Variants in ROCK1 observed in about 807,000 individuals in gnomAD.
ROCK1 encodes the protein rho-associated protein kinase 1.
In ROCK1, 36 loss-of-function variants were observed where a neutral mutation model predicts 196.8. The ratio of observed to expected loss-of-function variants is 0.18; its 90% CI spans 0.14 to 0.24. The LOEUF is 0.24. Among genes scored for constraint, ROCK1 ranks in the 10% least tolerant of loss-of-function variants. The pLI, the probability that ROCK1 is intolerant of heterozygous loss-of-function variation, is 1.00. For missense variants in ROCK1, 920 were observed against 1,562.0 expected (o/e 0.59, Z 6.93); for synonymous variants, 443 against 515.9 (o/e 0.86, Z 1.91).
intron 9 of ROCK1, among the ~76,000 whole-genome samples, chr18:21,031,884 A>G (rs2036011321): frequency 6.6e-6 from 1 of 151,926 alleles, no homozygotes; most frequent in Non-Finnish European, 1.5e-5. Flanking sequence ...CAGGCAGAGG[A>G]AAAAAAACCA....
intron 2 of ROCK1, among the ~76,000 whole-genome samples, chr18:21,067,665 G>A (rs544652775): frequency 8.5e-5 from 13 of 152,174 alleles, no homozygotes; most frequent in African/African-American, 3.1e-4. Flanking sequence ...GGGATTACAG[G>A]CGTGAGCCAC....
chr18:20,963,535 C>T (rs2035346269), intron 27 of ROCK1, among the ~76,000 whole-genome samples: 1 of 152,004 alleles, frequency 6.6e-6, no homozygotes, highest in Non-Finnish European at 1.5e-5. Context: ...AAGAGATCCA[C>T]CATTTTCAGG....
intron 1 of ROCK1, among the ~76,000 whole-genome samples, chr18:21,087,443 GCAA>G (rs1429215815): frequency 6.6e-6 from 1 of 152,056 alleles, no homozygotes; most frequent in African/African-American, 2.4e-5. Flanking sequence ...CACTTAAAAT[GCAA>G]CAATACAGGT....
intron 7 of ROCK1, 100 bp from the exon 8 acceptor site, chr18:21,042,335 G>A (rs1267043010): frequency 5.2e-6 from 6 of 1,144,958 alleles, no homozygotes; most frequent in African/African-American, 3.1e-5. Context: ...AAGATTATTA[G>A]GTATGTATTA....
intron 1 of ROCK1, among the ~76,000 whole-genome samples, chr18:21,089,790 C>A (rs1366248096): frequency 6.6e-6 from 1 of 152,222 alleles, no homozygotes; most frequent in Non-Finnish European, 1.5e-5. Flanking sequence ...AAGTGAAAAA[C>A]AGAACGGTTG....
chr18:21,033,845 C>T (rs559334545), intron 9 of ROCK1, among the ~76,000 whole-genome samples: 72 of 92,202 alleles, frequency 7.8e-4, no homozygotes, highest in African/African-American at 3.2e-3. Context: ...AGTGAAACCC[C>T]GTTTCTACTA....
intron 1 of ROCK1, 39 bp from the exon 2 acceptor site, chr18:21,070,652 A>T (rs369209693): frequency 1.5e-6 from 2 of 1,306,040 alleles, no homozygotes; most frequent in African/African-American, 3.0e-5. Flanking sequence ...TTTTTGGATC[A>T]CATTATACAG....
intron 2 of ROCK1, among the ~76,000 whole-genome samples, chr18:21,064,913 C>T (rs1268492506): frequency 1.3e-5 from 2 of 152,184 alleles, no homozygotes; most frequent in African/African-American, 2.4e-5. Flanking sequence ...AACATAAAGT[C>T]TTAGGCAGTT....
intron 10 of ROCK1, among the ~76,000 whole-genome samples, chr18:21,028,353 T>C (rs1352153404): frequency 1.3e-5 from 2 of 151,526 alleles, no homozygotes; most frequent in East Asian, 2.0e-4. Context: ...GAGGTGGAGG[T>C]TGCAGTGAGC....
chr18:20,961,857 C>T (rs1443063339), intron 27 of ROCK1, among the ~76,000 whole-genome samples: 2 of 114,850 alleles, frequency 1.7e-5, no homozygotes, highest in South Asian at 2.8e-4. Flanking sequence ...AGTCTTGTTA[C>T]GTTGTCCAGG....
In ROCK1 at chr18:21,061,696, C is replaced by T. The variant is rs1306500192; in HGVS notation, c.175+8836G>A. Among the ~76,000 whole-genome samples the T allele has an allele frequency of 5.9e-5, 9 of 152,200 alleles. No homozygotes were observed. The East Asian group carries it at 1.5e-3, about 26-fold the overall frequency. ...ATGTATGACTAACAAGATGACATGC[C>T]CTCATTGAAGGTGGTGAGGGAAAAG... On this transcript the variant is annotated intron_variant, in intron 2 of 32. Transcript: ENST00000399799.
chr18:21,108,355 C>T (rs150265985), intron 1 of ROCK1, among the ~76,000 whole-genome samples: 100 of 152,298 alleles, frequency 6.6e-4, no homozygotes, highest in African/African-American at 2.4e-3. Flanking sequence ...TTTTTCCCTC[C>T]ATTGTTTCTC....
chr18:20,959,085 TTTTATATAA>T (rs1434968197), intron 29 of ROCK1, among the ~76,000 whole-genome samples: 1 of 33,750 alleles, frequency 3.0e-5, no homozygotes, highest in Non-Finnish European at 4.3e-5. Context: ...AATATATATA[TTTTATATAA>T]TATATATATT....
intron 2 of ROCK1, among the ~76,000 whole-genome samples, chr18:21,058,633 C>T (rs1307680980): frequency 1.3e-5 from 2 of 152,074 alleles, no homozygotes; most frequent in African/African-American, 2.4e-5. Context: ...CAGGGTCTCA[C>T]GCTGTCATGC....
rs764277702 is a variant in ROCK1 at position 21,029,644 on chromosome 18, T to G, written c.1052-709A>C. ...TATGACATCTTCAAGAATTATAAAT[T>G]TGATGTGGACCAAGTCTTCCAGATA... On this transcript the variant is annotated intron_variant, in intron 9 of 32. Coordinates refer to ENST00000399799, the MANE Select transcript of ROCK1 (RefSeq NM_005406.3). Among the ~76,000 whole-genome samples the G allele has an allele frequency of 6.6e-4, 100 of 152,232 alleles. 1 individual carries two copies. In the Middle Eastern group the frequency reaches 0.01, roughly 16 times the overall value.
At chr18:21,087,925 C>T (rs1052618076) in intron 1 of ROCK1, among the ~76,000 whole-genome samples, 2 of 152,122 alleles carry the variant, frequency 1.3e-5, no homozygotes, top group Non-Finnish European at 1.5e-5. Context: ...ATAATTCAAA[C>T]CTCAGCAAAT....
intron 23 of ROCK1, 55 bp downstream of exon 23, chr18:20,970,293 T>C: frequency 7.4e-7 from 1 of 1,354,826 alleles, no homozygotes; most frequent in Non-Finnish European, 1.0e-6. Flanking sequence ...TTTTAAGATG[T>C]GACCTATTGT....
intron 1 of ROCK1, among the ~76,000 whole-genome samples, chr18:21,102,880 T>C (rs1598564210): frequency 6.7e-6 from 1 of 150,200 alleles, no homozygotes; most frequent in Non-Finnish European, 1.5e-5. Context: ...AAAAAAAAAG[T>C]AGTTCAAGAC....
At chr18:21,079,974 A>C (rs916314764) in intron 1 of ROCK1, among the ~76,000 whole-genome samples, 7 of 152,190 alleles carry the variant, frequency 4.6e-5, no homozygotes, top group African/African-American at 1.4e-4. Flanking sequence ...AGTGCTTTAA[A>C]ATACACTCCA....
Sources: gnomAD v4.1 joint callset for allele counts (sites outside exome capture counted in the v4.1 genomes callset) on GRCh38, gnomAD v4.1.1 for gene constraint, MANE v1.5 for transcripts, NCBI Gene and HGNC (gene_info 2026-07-23, HGNC 2026-07-21) for gene names.